Variants in MACC1 observed in about 807,000 individuals in gnomAD.
MACC1 encodes metastasis-associated in colon cancer protein 1.
MACC1 carries 79 observed loss-of-function variants against 70.7 expected under a neutral mutation model. The ratio of observed to expected loss-of-function variants is 1.12; its 90% CI spans 0.93 to 1.35. MACC1 has a LOEUF of 1.35. MACC1 is among the 40% of genes most tolerant of loss of function. The pLI, the probability that MACC1 is intolerant of heterozygous loss-of-function variation, is 0.00. For missense variants in MACC1, 1,106 were observed against 978.1 expected (o/e 1.13, Z -1.74); for synonymous variants, 361 against 347.2 (o/e 1.04, Z -0.44).
In MACC1 at chr7:20,161,754, T is replaced by C. The variant is rs1782141781; in HGVS notation, c.109A>G (p.Ile37Val). 1.9e-6 allele frequency: 3 copies of C among 1,600,920 alleles called. No individual in the cohort carries two copies. The East Asian group carries it at 6.7e-5, about 36-fold the overall frequency. ...EAGKLSKSCN[I>V]TECQDPDLLH... ...CAGTTATAAATTCCCATACCTGTAA[T>C]ATTGCAACTTTTTGAGAGTTTTCCA... Residue 37 changes from isoleucine to valine, a missense_variant, in exon 4 of 7, where the codon ATT becomes GTT. Coordinates refer to ENST00000400331, the MANE Select transcript of MACC1 (RefSeq NM_182762.4).
At chr7:20,174,583 G>C (rs529703792) in intron 1 of MACC1, among the ~76,000 whole-genome samples, 1 of 152,148 alleles carries the variant, frequency 6.6e-6, no homozygotes, top group South Asian at 2.1e-4. Flanking sequence ...ATAAAGAAAA[G>C]TACGAGAATA....
chr7:20,211,222 A>C (rs924050674), intron 1 of MACC1, among the ~76,000 whole-genome samples: 1 of 152,112 alleles, frequency 6.6e-6, no homozygotes, highest in Non-Finnish European at 1.5e-5. Context: ...CAGTTTCTTC[A>C]TCTCTAAAAG....
At chr7:20,157,377 A>C (rs979897536) in intron 5 of MACC1, among the ~76,000 whole-genome samples, 4 of 152,102 alleles carry the variant, frequency 2.6e-5, no homozygotes, top group Non-Finnish European at 2.9e-5. Flanking sequence ...TGGCACTGGG[A>C]GTCCTATTAA....
intron 1 of MACC1, chr7:20,198,672 T>C (rs555271607): frequency 3.9e-5 from 6 of 152,310 alleles, no homozygotes; most frequent in African/African-American, 1.4e-4. Context: ...TGTCGCTTTC[T>C]AACAAGGCAA....
chr7:20,146,718 ACT>A (rs1329668096), intron 6 of MACC1, among the ~76,000 whole-genome samples: 1 of 152,070 alleles, frequency 6.6e-6, no homozygotes, highest in Non-Finnish European at 1.5e-5. Context: ...ATATGCAGAA[ACT>A]CTACACTTGT....
In MACC1 at chr7:20,141,166, GA is replaced by G. The variant is rs750832863; in HGVS notation, c.2347-9del. The stretch of plus-strand genomic sequence containing the variant: ...GGCAGGTTTCCACATCATCTATAAA[GA>G]AAAAAAATAGATTGGAGTAGTGTGG... On this transcript the variant is annotated splice_polypyrimidine_tract_variant and intron_variant, in intron 6 of 6. Transcript: ENST00000400331. The G allele has an allele frequency of 3.1e-5, 48 of 1,544,728 alleles. No individual in the cohort carries two copies. The highest frequency in any genetic ancestry group is 1.7e-4 in the Middle Eastern group (1 of 5,776).
intron 1 of MACC1, among the ~76,000 whole-genome samples, chr7:20,187,425 C>T (rs1782604787): frequency 6.6e-6 from 1 of 152,160 alleles, no homozygotes; most frequent in African/African-American, 2.4e-5. Context: ...TTTCACTATA[C>T]AGGACCAGCA....
chr7:20,172,377 T>G (rs1037713949), intron 1 of MACC1, among the ~76,000 whole-genome samples: 2 of 152,304 alleles, frequency 1.3e-5, no homozygotes, highest in East Asian at 1.9e-4. Context: ...TAGTCCAACA[T>G]AAAGAATGTA....
intron 6 of MACC1, among the ~76,000 whole-genome samples, chr7:20,148,186 CAATGCTATAAAAG>C (rs1275163697): frequency 2.0e-5 from 3 of 152,044 alleles, no homozygotes; most frequent in Admixed American, 2.0e-4. Context: ...AAGGTGTACC[CAATGCTATAAAAG>C]AATTGCTAAG....
chr7:20,188,213 T>C (rs1782618993), intron 1 of MACC1, among the ~76,000 whole-genome samples: 1 of 152,088 alleles, frequency 6.6e-6, no homozygotes, highest in African/African-American at 2.4e-5. Context: ...CAATTCAAGG[T>C]GAGATTTGGG....
Position 20,159,339 on chromosome 7 carries a change from C to G in MACC1, c.1022G>C (p.Ser341Thr). The G allele has an allele frequency of 6.2e-7, 1 of 1,614,100 alleles. No homozygotes were observed. The highest frequency in any genetic ancestry group is 1.1e-5 in the South Asian group (1 of 91,088). Residue 341 changes from serine (S) to threonine (T), a missense_variant, in exon 5 of 7, where the codon AGT (serine) becomes ACT (threonine). Coordinates refer to ENST00000400331, the MANE Select transcript of MACC1 (RefSeq NM_182762.4). Reference protein sequence around the residue: ...DTIQVKLIDLSQVMYLVVAAQ... With the variant: ...DTIQVKLIDLTQVMYLVVAAQ... ...AGCAACCACTAGATACATTACCTGA[C>G]TCAAGTCGATTAGCTTGACTTGGAT...
chr7:20,191,546 G>A (rs1782672687), intron 1 of MACC1, among the ~76,000 whole-genome samples: 1 of 152,152 alleles, frequency 6.6e-6, no homozygotes, highest in South Asian at 2.1e-4. Context: ...TATAGCCAAG[G>A]GGAGTGCCAC....
intron 1 of MACC1, among the ~76,000 whole-genome samples, chr7:20,196,710 C>T (rs930432425): frequency 6.6e-6 from 1 of 151,834 alleles, no homozygotes; most frequent in African/African-American, 2.4e-5. Context: ...AAGAGCTTAG[C>T]GATCATTTAA....
intron 1 of MACC1, among the ~76,000 whole-genome samples, chr7:20,183,710 C>CTA (rs1554290514): frequency 1.4e-5 from 2 of 140,564 alleles, no homozygotes; most frequent in African/African-American, 2.7e-5. Flanking sequence ...CTGATTCTAA[C>CTA]TTTTTTTTTT....
In MACC1 at chr7:20,212,940, T is replaced by C. The variant is rs150502583; in HGVS notation, c.-218+4359A>G. ...GAGACCCCATTTGGTAGGTTCCACC[T>C]AGTAAAAAGAAATGAGATCAGGGAC... is the stretch of plus-strand genomic sequence containing the variant. On this transcript the variant is annotated intron_variant, in intron 1 of 6. Transcript: ENST00000400331. Among the ~76,000 whole-genome samples, 1,213 of 152,186 alleles carry C rather than the reference T, an allele frequency of 8.0e-3. 18 individuals are homozygous for C. The highest frequency in any genetic ancestry group is 0.027 in the African/African-American group (1,106 of 41,512).
In MACC1 at chr7:20,160,352, T is replaced by C. The variant is rs893337235; in HGVS notation, c.116-107A>G. ...TTAAAAATTCAGGACTTACTTTTCATTTTTCTTTCTGATCTCTAGTCTACT... is the reference window on the plus strand; with the variant it reads ...TTAAAAATTCAGGACTTACTTTTCACTTTTCTTTCTGATCTCTAGTCTACT... On this transcript the variant is annotated intron_variant, in intron 4 of 6. Transcript: ENST00000400331. The C allele has an allele frequency of 3.0e-6, 4 of 1,342,408 alleles. No individual in the cohort carries two copies. In the African/African-American group the frequency reaches 5.9e-5, roughly 20 times the overall value. 83.2% of individuals were successfully genotyped at this position (1,342,408 alleles called of 1,614,324 possible).
intron 1 of MACC1, among the ~76,000 whole-genome samples, chr7:20,185,732 A>C (rs190896031): frequency 6.6e-6 from 1 of 152,360 alleles, no homozygotes; most frequent in East Asian, 1.9e-4. Context: ...TCAGAAACTT[A>C]CAATAGCTAG....
intron 1 of MACC1, among the ~76,000 whole-genome samples, chr7:20,210,834 T>G (rs1782985027): frequency 6.6e-6 from 1 of 152,202 alleles, no homozygotes. Context: ...AAATATTCTG[T>G]AGTTGCCACT....
At chr7:20,192,002 A>G (rs577493563) in intron 1 of MACC1, among the ~76,000 whole-genome samples, 25 of 152,312 alleles carry the variant, frequency 1.6e-4, no homozygotes, top group African/African-American at 5.8e-4. Flanking sequence ...TAAATAAGAT[A>G]ATACGATGAA....
Sources: allele counts gnomAD v4.1 joint callset (sites outside exome capture counted in the v4.1 genomes callset), GRCh38; gene constraint gnomAD v4.1.1; transcripts MANE v1.5; gene names NCBI Gene and HGNC (gene_info 2026-07-23, HGNC 2026-07-21).